PAPOLG: variants seen among roughly 807,000 people sequenced by gnomAD.
PAPOLG encodes the protein poly(A) polymerase gamma, also known as PAP-gamma.
A neutral mutation model predicts 99.0 loss-of-function variants in PAPOLG; 40 were observed. The observed-to-expected ratio is 0.40, with a 90% CI of 0.31 to 0.53. The LOEUF (loss-of-function observed/expected upper bound fraction) is 0.53. Among genes scored for constraint, PAPOLG ranks in the 20% least tolerant of loss-of-function variants. PAPOLG has a pLI of 0.41. For synonymous variants in PAPOLG, 310 were observed against 299.3 expected, an observed-to-expected ratio of 1.04 and a Z score of -0.37; for missense variants, 675 against 884.1, an observed-to-expected ratio of 0.76 and a Z score of 3.00.
chr2:60,794,223 G>A (rs766796226), intron 19 of PAPOLG, 32 bp downstream of exon 19: 23 of 1,582,580 alleles, frequency 1.5e-5, no homozygotes, highest in Non-Finnish European at 2.0e-5. Context: ...TAATTCAGTA[G>A]TTGATATTTT....
At chr2:60,782,154 A>G (rs1172588455) in intron 11 of PAPOLG, 149 bp downstream of exon 11, 6 of 880,046 alleles carry the variant, frequency 6.8e-6, no homozygotes, top group South Asian at 2.0e-5. Context: ...TTTTTTAGTA[A>G]TGAGTTTTCA....
intron 9 of PAPOLG, 34 bp downstream of exon 9, chr2:60,779,809 T>C: frequency 6.4e-7 from 1 of 1,564,404 alleles, no homozygotes; most frequent in Non-Finnish European, 8.8e-7. Context: ...GACTGTTTAC[T>C]AATCTCTACC....
intron 13 of PAPOLG, among the ~76,000 whole-genome samples, chr2:60,786,582 G>C (rs1671368814): frequency 6.6e-6 from 1 of 151,578 alleles, no homozygotes; most frequent in Non-Finnish European, 1.5e-5. Context: ...AGGCTGGAGT[G>C]CAGTGGCACA....
intron 3 of PAPOLG, among the ~76,000 whole-genome samples, chr2:60,762,160 A>T (rs1573217649): frequency 6.6e-6 from 1 of 152,018 alleles, no homozygotes; most frequent in Non-Finnish European, 1.5e-5. Flanking sequence ...CTTGAAGGGG[A>T]TTGGGCTCCT....
chr2:60,795,034 C>T lies in PAPOLG; in HGVS notation c.2112+14C>T. The T allele has an allele frequency of 2.5e-6, 4 of 1,596,970 alleles. No homozygotes were observed. Among genetic ancestry groups the T allele is most frequent in the Non-Finnish European group, 3.4e-6 (4 of 1,165,154 alleles). The stretch of plus-strand genomic sequence containing the variant: ...TCACGCAAAAAGGTAACAAGATAGT[C>T]TTGTTCATAGGTACAGTACATAGGT... On this transcript the variant is annotated intron_variant, in intron 21 of 21. Transcript: ENST00000238714.
rs1451505978 is a variant in PAPOLG at position 60,771,567 on chromosome 2, T to G, written c.541T>G (p.Leu181Val). 1.9e-6 allele frequency: 3 copies of G among 1,608,290 alleles called. No homozygotes were observed. Among genetic ancestry groups the G allele is most frequent in the Non-Finnish European group, 2.5e-6 (3 of 1,178,538 alleles). Residue 181 changes from leucine to valine, a missense_variant, in exon 7 of 22, where the codon TTA becomes GTA. Transcript: ENST00000238714. ...GGCAATACAAACCATATCAGATAAT[T>G]TAGATCTAAGAGACGACTCTCGCCT... ...RLAIQTISDN[L>V]DLRDDSRLRS... is the part of the protein sequence containing the mutation.
At chr2:60,790,433 A>G (rs1671496365) in intron 15 of PAPOLG, among the ~76,000 whole-genome samples, 1 of 152,236 alleles carries the variant, frequency 6.6e-6, no homozygotes, top group South Asian at 2.1e-4. Context: ...GTGGGCTTAT[A>G]ATCTCATTGA....
At chr2:60,769,656 T>A (rs1465100347) in intron 5 of PAPOLG, among the ~76,000 whole-genome samples, 4 of 152,214 alleles carry the variant, frequency 2.6e-5, no homozygotes, top group Non-Finnish European at 4.4e-5. Flanking sequence ...TTCATTATTT[T>A]AAAATTTCTA....
chr2:60,765,464 T>G (rs1038744037), intron 3 of PAPOLG, among the ~76,000 whole-genome samples: 5 of 151,406 alleles, frequency 3.3e-5, no homozygotes, highest in Admixed American at 3.3e-4. Context: ...CTTGAACTCT[T>G]GAGCTCAAGT....
At chr2:60,776,418 ATTTTTTTTTTTTT>A (rs70959863) in intron 8 of PAPOLG, among the ~76,000 whole-genome samples, 2 of 85,868 alleles carry the variant, frequency 2.3e-5, no homozygotes, top group South Asian at 3.3e-4. Context: ...CATTGGCTTC[ATTTTTTTTTTTTT>A]TTTTTTTTTT....
At chr2:60,763,719 G>A (rs547179730) in intron 3 of PAPOLG, among the ~76,000 whole-genome samples, 17 of 151,694 alleles carry the variant, frequency 1.1e-4, no homozygotes, top group African/African-American at 4.1e-4. Context: ...GGTCAGGCTG[G>A]TCTCAAACTC....
chr2:60,771,935 G>T (rs945059453), intron 7 of PAPOLG, among the ~76,000 whole-genome samples: 3 of 151,782 alleles, frequency 2.0e-5, no homozygotes, highest in African/African-American at 7.3e-5. Flanking sequence ...TATTTACCAT[G>T]TTAAAAAATA....
At chr2:60,778,820 T>C (rs577978438) in intron 8 of PAPOLG, among the ~76,000 whole-genome samples, 1 of 152,330 alleles carries the variant, frequency 6.6e-6, no homozygotes, top group African/African-American at 2.4e-5. Flanking sequence ...TTAAATGCCA[T>C]GTTTTGTCAG....
intron 3 of PAPOLG, among the ~76,000 whole-genome samples, chr2:60,766,249 T>C (rs150412572): frequency 6.6e-6 from 1 of 152,102 alleles, no homozygotes; most frequent in Non-Finnish European, 1.5e-5. Context: ...CAAAAAAGAA[T>C]TTAAGAATTG....
At chr2:60,794,261 TC>T (rs1671632784) in intron 19 of PAPOLG, 70 bp downstream of exon 19, 1 of 1,423,512 alleles carries the variant, frequency 7.0e-7, no homozygotes, top group Admixed American at 2.4e-5. Context: ...GAAACAATTT[TC>T]CATAGCTGTT....
intron 13 of PAPOLG, among the ~76,000 whole-genome samples, chr2:60,785,057 G>C (rs1671315653): frequency 6.6e-6 from 1 of 152,152 alleles, no homozygotes; most frequent in African/African-American, 2.4e-5. Context: ...TCTTAAGTGA[G>C]ATAGAAATAA....
rs774677554 is a variant in PAPOLG, at chr2:60,792,122, C to A, written c.1519-7C>A. 1 of 1,571,678 alleles carries A rather than the reference C, an allele frequency of 6.4e-7. No individual in the cohort carries two copies. Among genetic ancestry groups the A allele is most frequent in the East Asian group, 2.2e-5 (1 of 44,538 alleles). ...TTTGAAATCCTAAAATCGTTCCCTT[C>A]TTTCAGCAAAGTCTCTCTGATGTCA... is the stretch of plus-strand genomic sequence containing the variant. On this transcript the variant is annotated splice_polypyrimidine_tract_variant and splice_region_variant and intron_variant, in intron 16 of 21. Transcript: ENST00000238714.
chr2:60,774,826 C>G (rs189439066), intron 7 of PAPOLG, among the ~76,000 whole-genome samples: 10 of 152,270 alleles, frequency 6.6e-5, no homozygotes, highest in Non-Finnish European at 1.3e-4. Context: ...AGGCACATCT[C>G]ATTTTGGATT....
intron 15 of PAPOLG, among the ~76,000 whole-genome samples, chr2:60,788,370 G>A (rs948598140): frequency 7.9e-5 from 12 of 152,110 alleles, no homozygotes; most frequent in African/African-American, 1.4e-4. Flanking sequence ...CACCCAGGCC[G>A]GACTGCAGTG....
Sources: allele counts gnomAD v4.1 joint callset (sites outside exome capture counted in the v4.1 genomes callset), GRCh38; gene constraint gnomAD v4.1.1; transcripts MANE v1.5; gene names NCBI Gene and HGNC (gene_info 2026-07-23, HGNC 2026-07-21).